RERE: variants seen among roughly 807,000 people sequenced by gnomAD.
The protein encoded by RERE is arginine-glutamic acid dipeptide repeats.
Under a neutral mutation model 146.1 loss-of-function variants are expected in RERE, and 40 were observed. That is an observed-to-expected ratio of 0.27 (90% CI 0.21 to 0.36). The LOEUF is 0.36. Among genes scored for constraint, RERE ranks in the 10% least tolerant of loss-of-function variants. The probability of loss-of-function intolerance (pLI) is 1.00; values close to 1 mark genes in which losing one functional copy is unlikely to be tolerated. For synonymous variants in RERE, 1,003 were observed against 866.0 expected (o/e 1.16, Z -2.78); for missense variants, 1,933 against 2,138.7 (o/e 0.90, Z 1.90).
intron 12 of RERE, among the ~76,000 whole-genome samples, chr1:8,412,292 T>C (rs1643636466): frequency 6.6e-6 from 1 of 152,204 alleles, no homozygotes; most frequent in Non-Finnish European, 1.5e-5. Flanking sequence ...CGACACCCTC[T>C]GTGGTGGTTC....
At chr1:8,747,533 C>T (rs1287049328) in intron 1 of RERE, among the ~76,000 whole-genome samples, 1 of 151,940 alleles carries the variant, frequency 6.6e-6, no homozygotes, top group Admixed American at 6.6e-5. Context: ...GATAAATCAA[C>T]ACATGATATT....
chr1:8,620,975 G>C (rs182010668), intron 3 of RERE, among the ~76,000 whole-genome samples: 88 of 152,038 alleles, frequency 5.8e-4, no homozygotes, highest in African/African-American at 2.0e-3. Flanking sequence ...TTAATTGCTT[G>C]ATACTATCAT....
At chr1:8,605,084 G>T (rs1646685348) in intron 4 of RERE, among the ~76,000 whole-genome samples, 2 of 152,174 alleles carry the variant, frequency 1.3e-5, no homozygotes, top group African/African-American at 4.8e-5. Context: ...TCAGTAAAGT[G>T]AAATCTACAG....
At chr1:8,612,551 C>T (rs1252842541) in intron 4 of RERE, among the ~76,000 whole-genome samples, 1 of 151,816 alleles carries the variant, frequency 6.6e-6, no homozygotes, top group South Asian at 2.1e-4. Context: ...ATTTTTATTG[C>T]TAAAAAATAA....
intron 1 of RERE, among the ~76,000 whole-genome samples, chr1:8,731,404 G>C (rs536911859): frequency 1.3e-5 from 2 of 152,262 alleles, no homozygotes; most frequent in South Asian, 2.1e-4. Flanking sequence ...TTGTAGACCT[G>C]GGGAAAGGAC....
At chr1:8,766,826 C>T (rs1260489967) in intron 1 of RERE, among the ~76,000 whole-genome samples, 1 of 152,040 alleles carries the variant, frequency 6.6e-6, no homozygotes, top group African/African-American at 2.4e-5. Flanking sequence ...TATATAAGGA[C>T]TTAGAGAAGG....
At chr1:8,707,258 C>A (rs1353638955) in intron 1 of RERE, among the ~76,000 whole-genome samples, 2 of 152,240 alleles carry the variant, frequency 1.3e-5, no homozygotes, top group Non-Finnish European at 2.9e-5. Context: ...GAGCTGACAT[C>A]TGACTTTATC....
At chr1:8,401,068 T>C (rs1312641179) in intron 12 of RERE, among the ~76,000 whole-genome samples, 107 of 117,082 alleles carry the variant, frequency 9.1e-4, no homozygotes, top group African/African-American at 3.2e-3. Flanking sequence ...TATATATATA[T>C]ATATGTCACT....
intron 12 of RERE, among the ~76,000 whole-genome samples, chr1:8,401,066 T>C (rs1451994293): frequency 8.2e-6 from 1 of 122,626 alleles, no homozygotes; most frequent in African/African-American, 3.0e-5. Context: ...TATATATATA[T>C]ATATATGTCA....
intron 4 of RERE, among the ~76,000 whole-genome samples, chr1:8,579,997 C>G (rs1646344180): frequency 6.6e-6 from 1 of 152,068 alleles, no homozygotes; most frequent in Non-Finnish European, 1.5e-5. Context: ...GAGCAAGACT[C>G]CATCTCAAAA....
intron 11 of RERE, among the ~76,000 whole-genome samples, chr1:8,457,748 G>A (rs1644469468): frequency 6.6e-6 from 1 of 151,954 alleles, no homozygotes; most frequent in African/African-American, 2.4e-5. Flanking sequence ...TTACAAGCAC[G>A]CACCACCACG....
At position 8,766,566 on chromosome 1, in the gene RERE, AAAG is replaced by A. The variant is rs1168457604; in HGVS notation, c.-145+50591_-145+50593del. Among the ~76,000 whole-genome samples, 124 of 151,550 alleles carry A rather than the reference AAAG, an allele frequency of 8.2e-4. 1 individual carries two copies. Among genetic ancestry groups the A allele is most frequent in the African/African-American group, 2.9e-3 (118 of 41,402 alleles). ...CATTGCAAAAAAAAAAAAAAAAAGA[AAAG>A]AAAAAAAAGAGAGAGAGAGAGACAG... On this transcript the variant is annotated intron_variant, in intron 1 of 22. Transcript: ENST00000400908.
chr1:8,605,572 A>C (rs935314058), intron 4 of RERE, among the ~76,000 whole-genome samples: 6 of 151,866 alleles, frequency 4.0e-5, no homozygotes, highest in African/African-American at 1.5e-4. Flanking sequence ...AATGTGGTAA[A>C]ACCCCATCTC....
At chr1:8,393,911 A>G (rs761529698) in intron 12 of RERE, among the ~76,000 whole-genome samples, 1 of 152,200 alleles carries the variant, frequency 6.6e-6, no homozygotes, top group Non-Finnish European at 1.5e-5. Context: ...TTGAAGGGCA[A>G]TTAGAAGCTT....
intron 1 of RERE, among the ~76,000 whole-genome samples, chr1:8,736,562 C>T (rs1640201761): frequency 1.3e-5 from 2 of 152,032 alleles, no homozygotes; most frequent in Non-Finnish European, 1.5e-5. Flanking sequence ...CAATAAATTG[C>T]TAATATGAAA....
chr1:8,404,199 G>A (rs937899223), intron 12 of RERE, among the ~76,000 whole-genome samples: 6 of 152,162 alleles, frequency 3.9e-5, no homozygotes, highest in Non-Finnish European at 8.8e-5. Context: ...AGAGGCTGAG[G>A]TGGGTGAATC....
chr1:8,368,530 T>C (rs1044138083), intron 12 of RERE, among the ~76,000 whole-genome samples: 3 of 145,600 alleles, frequency 2.1e-5, no homozygotes, highest in South Asian at 2.2e-4. Flanking sequence ...TGCAAAGCTA[T>C]ACGAGACAAA....
intron 9 of RERE, 101 bp from the exon 10 acceptor site, chr1:8,495,263 C>T: frequency 1.2e-6 from 1 of 835,886 alleles, no homozygotes; most frequent in Non-Finnish European, 2.0e-6. Context: ...AGAACAAATT[C>T]CATTACTACA....
At chr1:8,785,332 T>G (rs1641240059) in intron 1 of RERE, among the ~76,000 whole-genome samples, 1 of 152,218 alleles carries the variant, frequency 6.6e-6, no homozygotes, top group African/African-American at 2.4e-5. Flanking sequence ...ACTAAACAGG[T>G]CTAGGCTAAT....
Sources: gnomAD v4.1 joint callset for allele counts (sites outside exome capture counted in the v4.1 genomes callset) on GRCh38, gnomAD v4.1.1 for gene constraint, MANE v1.5 for transcripts, NCBI Gene and HGNC (gene_info 2026-07-23, HGNC 2026-07-21) for gene names.